NPBWR1: variants seen among roughly 807,000 people sequenced by gnomAD.
The protein encoded by NPBWR1 is neuropeptides B and W receptor 1.
A neutral mutation model predicts 2.8 loss-of-function variants in NPBWR1; 4 were observed. The observed-to-expected ratio is 1.44, with a 90% CI of 0.71 to 3.29. The LOEUF is 3.29. Ranked by LOEUF, NPBWR1 falls within the 30% of genes most tolerant of loss-of-function variation. The pLI, the probability that NPBWR1 is intolerant of heterozygous loss-of-function variation, is 0.01. For synonymous variants in NPBWR1, 250 were observed against 224.5 expected (o/e 1.11, Z -1.02); for missense variants, 545 against 462.5 (o/e 1.18, Z -1.64).
Position 52,940,178 on chromosome 8 carries a change from C to T in NPBWR1, c.271C>T (p.Pro91Ser), listed in dbSNP as rs1418797607. The T allele has an allele frequency of 6.2e-7, 1 of 1,613,674 alleles. No individual in the cohort carries two copies. The highest frequency in any genetic ancestry group is 8.5e-7 in the Non-Finnish European group (1 of 1,179,960). The change falls in exon 2 of 2, where the codon CCC becomes TCC. Residue 91 changes from proline (P) to serine (S), a missense_variant. By Grantham distance (74) the Pro-to-Ser change is moderately conservative. Transcript: ENST00000674939. ...CGACGAGCTCTTCACGCTGGTGCTG[C>T]CCATCAACATCGCCGACTTCCTGCT... ...IADELFTLVLPINIADFLLRQ... is the reference protein window; with the variant it reads ...IADELFTLVLSINIADFLLRQ...
rs201993183 is a variant in NPBWR1, at chr8:52,940,203, T to G, written c.296T>G (p.Leu99Arg). 2 of 1,613,870 alleles carry G rather than the reference T, an allele frequency of 1.2e-6. No individual in the cohort carries two copies. The highest frequency in any genetic ancestry group is 1.6e-4 in the Middle Eastern group (1 of 6,062). The change falls in exon 2 of 2, where the codon CTG becomes CGG. Residue 99 changes from leucine to arginine, a missense_variant. Transcript: ENST00000674939. ...CCCATCAACATCGCCGACTTCCTGC[T>G]GCGGCAGTGGCCCTTCGGGGAGCTC... is the stretch of plus-strand genomic sequence containing the variant. ...VLPINIADFL[L>R]RQWPFGELMC...
Position 52,939,955 on chromosome 8 carries a change from C to A in NPBWR1, c.48C>A (p.Gly16=), listed in dbSNP as rs777972379. The A allele has an allele frequency of 1.9e-6, 3 of 1,586,752 alleles. No individual in the cohort carries two copies. The highest frequency in any genetic ancestry group is 1.7e-6 in the Non-Finnish European group (2 of 1,172,528). The change falls in exon 2 of 2, where the codon GGC becomes GGA. Residue 16 remains glycine, a synonymous_variant. Coordinates refer to ENST00000674939, the MANE Select transcript of NPBWR1 (RefSeq NM_005285.5). ...AGCCCTGGCCCGCCAACGCATCGGG[C>A]CCGGACCCGGCGCTGAGCTGCTCCA... ...FSEPWPANAS[G]PDPALSCSNA...
rs533169358 is a variant in NPBWR1 at position 52,939,902 on chromosome 8, G to A, written c.-6G>A. On this transcript the variant is annotated 5_prime_UTR_variant, in exon 2 of 2. Transcript: ENST00000674939. Reference sequence around the variant, plus strand: ...CCAGGTCGCCGGCTCCTCTGCCCTCGTTGAGATGGACAACGCCTCGTTCTC... The same window carrying A: ...CCAGGTCGCCGGCTCCTCTGCCCTCATTGAGATGGACAACGCCTCGTTCTC... The A allele has an allele frequency of 1.4e-5, 21 of 1,530,102 alleles. 1 individual carries two copies. In the African/African-American group the frequency reaches 2.2e-4, roughly 16 times the overall value. The allele number at this position is 1,530,102 out of a possible 1,614,324, so 94.8% of individuals were successfully genotyped here.
At position 52,942,712 on chromosome 8, in the gene NPBWR1, A is replaced by G. The variant is rs1045585178; in HGVS notation, c.*1818A>G. Among the ~76,000 whole-genome samples, 2 of 152,218 alleles carry G rather than the reference A, an allele frequency of 1.3e-5. No individual in the cohort carries two copies. The highest frequency in any genetic ancestry group is 4.8e-5 in the African/African-American group (2 of 41,456). On this transcript the variant is annotated 3_prime_UTR_variant, in exon 2 of 2. Transcript: ENST00000674939. ...TAAGAATTGCTTTCTTAGCTCTCAG[A>G]GTTTTTAGGAACATTGAAATAATTC...
chr8:52,940,219 C>CG lies in NPBWR1; in HGVS notation c.316dup (p.Glu106GlyfsTer255), dbSNP rs765045881. 2 of 1,613,810 alleles carry CG rather than the reference C, an allele frequency of 1.2e-6. No individual in the cohort carries two copies. The highest frequency in any genetic ancestry group is 2.2e-5 in the East Asian group (1 of 44,860). On this transcript the variant is annotated frameshift_variant, in exon 2 of 2. Transcript: ENST00000674939. LOFTEE classifies it low-confidence loss of function (END_TRUNC). ...ACTTCCTGCTGCGGCAGTGGCCCTT[C>CG]GGGGAGCTCATGTGCAAGCTCATCG...
chr8:52,942,817 GT>G lies in NPBWR1; in HGVS notation c.*1927del, dbSNP rs1203778785. Among the ~76,000 whole-genome samples the G allele has an allele frequency of 3.3e-5, 5 of 152,140 alleles. No individual in the cohort carries two copies. Among genetic ancestry groups the G allele is most frequent in the Non-Finnish European group, 7.4e-5 (5 of 68,010 alleles). On this transcript the variant is annotated 3_prime_UTR_variant, in exon 2 of 2. Coordinates refer to ENST00000674939, the MANE Select transcript of NPBWR1 (RefSeq NM_005285.5). ...ATAATAGTAAATTGTTTAAAAGAAA[GT>G]TTTCATCTACAATGAGTTTCGAGTG...
Position 52,942,174 on chromosome 8 carries a change from T to C in NPBWR1, c.*1280T>C, listed in dbSNP as rs1436973557. ...CGACGGCTTCAGGTTTTCTCTGCTG[T>C]ACTTTTCACAGGGAGCTGTGGATTA... On this transcript the variant is annotated 3_prime_UTR_variant, in exon 2 of 2. Transcript: ENST00000674939. Among the ~76,000 whole-genome samples the C allele has an allele frequency of 2.0e-5, 3 of 152,260 alleles. No individual in the cohort carries two copies. Among genetic ancestry groups the C allele is most frequent in the African/African-American group, 7.2e-5 (3 of 41,472 alleles).
In NPBWR1 at chr8:52,940,924, C is replaced by G. The variant is rs750565540; in HGVS notation, c.*30C>G. The stretch of plus-strand genomic sequence containing the variant: ...CCCAGCGTCCGGCTCCGCAACTGCC[C>G]GCCACTCCTGGCCAGCGAGGGAGGA... On this transcript the variant is annotated 3_prime_UTR_variant, in exon 2 of 2. Coordinates refer to ENST00000674939, the MANE Select transcript of NPBWR1 (RefSeq NM_005285.5). 6 of 1,568,886 alleles carry G rather than the reference C, an allele frequency of 3.8e-6. No homozygotes were observed. The African/African-American group carries it at 4.0e-5, about 11-fold the overall frequency.
Sources: allele counts gnomAD v4.1 joint callset (sites outside exome capture counted in the v4.1 genomes callset), GRCh38; gene constraint gnomAD v4.1.1; transcripts MANE v1.5; gene names NCBI Gene and HGNC (gene_info 2026-07-23, HGNC 2026-07-21).